Variants in TIAM1 observed in about 807,000 individuals in gnomAD.
The protein encoded by TIAM1 is TIAM Rac1 associated GEF 1.
Under a neutral mutation model 163.5 loss-of-function variants are expected in TIAM1, and 65 were observed. The observed-to-expected ratio is 0.40, with a 90% CI of 0.33 to 0.49. TIAM1 has a LOEUF of 0.49. TIAM1 is among the 20% of genes least tolerant of loss of function. The pLI is 0.77. For synonymous variants in TIAM1, 833 were observed against 810.1 expected (o/e 1.03, Z -0.48); for missense variants, 1,789 against 2,044.7 (o/e 0.87, Z 2.41).
intron 1 of TIAM1, among the ~76,000 whole-genome samples, chr21:31,521,073 G>A (rs1463793709): frequency 6.6e-6 from 1 of 152,200 alleles, no homozygotes; most frequent in Non-Finnish European, 1.5e-5. Flanking sequence ...CATCCATGCA[G>A]GCACTCAAAG....
chr21:31,226,032 C>A, intron 6 of TIAM1, 82 bp from the exon 7 acceptor site: 1 of 1,283,256 alleles, frequency 7.8e-7, no homozygotes, highest in Non-Finnish European at 1.1e-6. Context: ...TCCAGAGAAG[C>A]AATGCCTGGG....
At chr21:31,239,192 G>A (rs777488718) in intron 6 of TIAM1, among the ~76,000 whole-genome samples, 2 of 151,714 alleles carry the variant, frequency 1.3e-5, no homozygotes, top group Non-Finnish European at 2.9e-5. Context: ...GTGCAACCAC[G>A]GCTCACTGCA....
intron 1 of TIAM1, among the ~76,000 whole-genome samples, chr21:31,501,450 A>G (rs539872695): frequency 4.6e-4 from 70 of 152,256 alleles, no homozygotes; most frequent in African/African-American, 1.5e-3. Context: ...CTAGGAGGAA[A>G]AAAAGTGACC....
At chr21:31,287,962 G>A (rs754600268) in intron 2 of TIAM1, among the ~76,000 whole-genome samples, 9 of 152,144 alleles carry the variant, frequency 5.9e-5, no homozygotes, top group Non-Finnish European at 1.2e-4. Context: ...AGAATGACAG[G>A]TAGGATCACC....
intron 11 of TIAM1, among the ~76,000 whole-genome samples, chr21:31,204,409 C>T (rs1023443792): frequency 2.6e-5 from 4 of 152,096 alleles, no homozygotes; most frequent in African/African-American, 9.7e-5. Flanking sequence ...ACATTTTTCA[C>T]AAAATAAATA....
At chr21:31,213,503 G>A (rs752956675) in intron 9 of TIAM1, 31 bp from the exon 10 acceptor site, 2 of 1,606,688 alleles carry the variant, frequency 1.2e-6, no homozygotes, top group South Asian at 2.2e-5. Flanking sequence ...CCTTAAAAAG[G>A]AATCTGGGCA....
At chr21:31,394,765 C>A (rs1476076720) in intron 2 of TIAM1, among the ~76,000 whole-genome samples, 1 of 151,554 alleles carries the variant, frequency 6.6e-6, no homozygotes, top group African/African-American at 2.4e-5. Context: ...CACACACACA[C>A]ACACACACAC....
At chr21:31,389,405 C>T (rs990479677) in intron 2 of TIAM1, among the ~76,000 whole-genome samples, 2 of 152,124 alleles carry the variant, frequency 1.3e-5, no homozygotes, top group East Asian at 3.9e-4. Flanking sequence ...GACAGGGTTT[C>T]GCCATGTTGG....
At chr21:31,554,709 C>T (rs1478447759) in intron 1 of TIAM1, among the ~76,000 whole-genome samples, 6 of 151,948 alleles carry the variant, frequency 3.9e-5, no homozygotes, top group Non-Finnish European at 5.9e-5. Flanking sequence ...GCGTAGTACC[C>T]CCACCCCCTC....
chr21:31,519,784 G>T (rs1288489749), intron 1 of TIAM1, among the ~76,000 whole-genome samples: 2 of 152,116 alleles, frequency 1.3e-5, no homozygotes, highest in Non-Finnish European at 2.9e-5. Context: ...CATGCTAAGA[G>T]AAATAAGCCA....
chr21:31,213,866 C>CAAAAAAAAAAAAAAA (rs35524539), intron 9 of TIAM1, among the ~76,000 whole-genome samples: 5 of 54,840 alleles, frequency 9.1e-5, no homozygotes, highest in African/African-American at 3.1e-4. Flanking sequence ...CTCATCTCTA[C>CAAAAAAAAAAAAAAA]AAAAAAAAAA....
At chr21:31,442,152 G>A (rs181829412) in intron 2 of TIAM1, among the ~76,000 whole-genome samples, 1 of 142,886 alleles carries the variant, frequency 7.0e-6, no homozygotes, top group Non-Finnish European at 1.5e-5. Context: ...GCAAGGACAA[G>A]TGAGAACTTA....
intron 2 of TIAM1, among the ~76,000 whole-genome samples, chr21:31,287,373 T>C (rs546039132): frequency 6.6e-6 from 1 of 152,298 alleles, no homozygotes; most frequent in South Asian, 2.1e-4. Context: ...TGTTATATGT[T>C]TGGAATGAGG....
intron 1 of TIAM1, among the ~76,000 whole-genome samples, chr21:31,542,201 G>C (rs2048342104): frequency 6.6e-6 from 1 of 151,822 alleles, no homozygotes; most frequent in Admixed American, 6.6e-5. Context: ...CGAGGCGGGA[G>C]GATGACAAAG....
chr21:31,452,586 C>A, intron 2 of TIAM1: 4 of 581,648 alleles, frequency 6.9e-6, no homozygotes, highest in South Asian at 3.5e-5. Flanking sequence ...TTCCTGGAAT[C>A]GATATAGCAC....
chr21:31,428,396 T>C (rs1440413887), intron 2 of TIAM1, among the ~76,000 whole-genome samples: 1 of 151,804 alleles, frequency 6.6e-6, no homozygotes, highest in African/African-American at 2.4e-5. Context: ...GTTATTATGA[T>C]TAGTAAGTCC....
chr21:31,247,489 G>C (rs535945525), intron 5 of TIAM1, among the ~76,000 whole-genome samples: 1 of 151,868 alleles, frequency 6.6e-6, no homozygotes, highest in African/African-American at 2.4e-5. Flanking sequence ...TGAACTCCTG[G>C]GCTCAAGTGA....
chr21:31,131,320 CAA>C (rs1386648642), intron 23 of TIAM1, among the ~76,000 whole-genome samples: 1 of 152,172 alleles, frequency 6.6e-6, no homozygotes, highest in Non-Finnish European at 1.5e-5. Flanking sequence ...TTCACAATAA[CAA>C]TGCAATTGCT....
intron 6 of TIAM1, among the ~76,000 whole-genome samples, chr21:31,234,100 C>T (rs530563575): frequency 1.1e-3 from 166 of 152,094 alleles, no homozygotes; most frequent in Non-Finnish European, 2.8e-4. Flanking sequence ...TCAAGGATCA[C>T]CAGACATTTG....
Sources: allele counts gnomAD v4.1 joint callset (sites outside exome capture counted in the v4.1 genomes callset), GRCh38; gene constraint gnomAD v4.1.1; transcripts MANE v1.5; gene names NCBI Gene and HGNC (gene_info 2026-07-23, HGNC 2026-07-21).